Variants in ADAMTS18 observed in about 807,000 individuals in gnomAD.
The protein encoded by ADAMTS18 is ADAM metallopeptidase with thrombospondin type 1 motif 18.
A neutral mutation model predicts 165.9 loss-of-function variants in ADAMTS18; 157 were observed. That is an observed-to-expected ratio of 0.95 (90% CI 0.83 to 1.08). The LOEUF is 1.08. ADAMTS18 is among the 50% of genes least tolerant of loss of function. ADAMTS18 has a pLI of 0.00. For synonymous variants in ADAMTS18, 782 were observed against 578.2 expected (o/e 1.35, Z -5.06); for missense variants, 2,040 against 1,534.0 (o/e 1.33, Z -5.51).
chr16:77,382,869 C>T (rs1011849475), intron 3 of ADAMTS18, among the ~76,000 whole-genome samples: 2 of 152,146 alleles, frequency 1.3e-5, no homozygotes, highest in African/African-American at 2.4e-5. Context: ...AATAACACTC[C>T]TCTTCACACG....
chr16:77,403,049 C>G, intron 3 of ADAMTS18, among the ~76,000 whole-genome samples: 1 of 152,166 alleles, frequency 6.6e-6, no homozygotes, highest in East Asian at 1.9e-4. Context: ...TATTATGTGC[C>G]AAGTACTGTT....
chr16:77,431,626 G>A lies in ADAMTS18; in HGVS notation c.179-15C>T. ...AAAGACGTAATCTGCAATGGGAAAA[G>A]TTCAGCTGTCAGCACCCAGAGCCCA... On this transcript the variant is annotated splice_polypyrimidine_tract_variant and intron_variant, in intron 2 of 22. Transcript: ENST00000282849. 6.2e-7 allele frequency: 1 copy of A among 1,613,038 alleles called. No individual in the cohort carries two copies. Among genetic ancestry groups the A allele is most frequent in the Non-Finnish European group, 8.5e-7 (1 of 1,179,862 alleles).
intron 3 of ADAMTS18, among the ~76,000 whole-genome samples, chr16:77,407,409 A>G (rs953663373): frequency 3.9e-5 from 6 of 152,094 alleles, no homozygotes; most frequent in Non-Finnish European, 8.8e-5. Context: ...TGTAAATTCA[A>G]TGCAGTCCAA....
chr16:77,293,031 G>C (rs371229828), intron 20 of ADAMTS18, 45 bp downstream of exon 20: 1 of 1,611,854 alleles, frequency 6.2e-7, no homozygotes, highest in East Asian at 2.2e-5. Context: ...GTGTTAGCCA[G>C]GATGGTCTCA....
At chr16:77,397,801 C>G (rs1034740452) in intron 3 of ADAMTS18, among the ~76,000 whole-genome samples, 2 of 152,214 alleles carry the variant, frequency 1.3e-5, no homozygotes, top group Non-Finnish European at 2.9e-5. Flanking sequence ...AAACTCAAAG[C>G]AGGCAACACT....
chr16:77,416,855 G>T (rs575812474), intron 3 of ADAMTS18, among the ~76,000 whole-genome samples: 2 of 152,294 alleles, frequency 1.3e-5, no homozygotes, highest in African/African-American at 2.4e-5. Context: ...GAATCCAGGT[G>T]AGAGATGAGA....
intron 3 of ADAMTS18, among the ~76,000 whole-genome samples, chr16:77,426,982 C>A (rs1045146346): frequency 1.9e-4 from 29 of 152,132 alleles, no homozygotes; most frequent in Admixed American, 4.6e-4. Context: ...CCACTGTACT[C>A]AAGCCCAGAT....
intron 3 of ADAMTS18, among the ~76,000 whole-genome samples, chr16:77,419,277 G>T (rs1038735149): frequency 1.3e-5 from 2 of 152,266 alleles, no homozygotes; most frequent in South Asian, 2.1e-4. Context: ...GAGGCTCCAA[G>T]AAAGATTCCA....
At chr16:77,349,369 T>C (rs547088504) in intron 10 of ADAMTS18, among the ~76,000 whole-genome samples, 2 of 152,170 alleles carry the variant, frequency 1.3e-5, no homozygotes, top group South Asian at 2.1e-4. Context: ...GCAATGGAAA[T>C]TGATAGCTTA....
chr16:77,344,745 A>G (rs1330793370), intron 10 of ADAMTS18, among the ~76,000 whole-genome samples: 2 of 44,776 alleles, frequency 4.5e-5, no homozygotes, highest in Non-Finnish European at 9.5e-5. Context: ...AAGCAAAACA[A>G]AAAAAAAAAC....
chr16:77,283,922 C>T lies in ADAMTS18; in HGVS notation c.*34G>A. The T allele has an allele frequency of 6.5e-7, 1 of 1,538,564 alleles. No homozygotes were observed. ...TCTCTCTAGAGGTTGAAAGGTAAGC[C>T]CCTGGCCCTAAGGTGCTGGGGAGGA... On this transcript the variant is annotated 3_prime_UTR_variant, in exon 23 of 23. Coordinates refer to ENST00000282849, the MANE Select transcript of ADAMTS18 (RefSeq NM_199355.4).
chr16:77,394,549 G>C (rs2057232156), intron 3 of ADAMTS18, among the ~76,000 whole-genome samples: 1 of 152,080 alleles, frequency 6.6e-6, no homozygotes. Context: ...AAAAGGAAGT[G>C]ATCAGTATTT....
At chr16:77,349,223 G>T (rs2056520046) in intron 10 of ADAMTS18, among the ~76,000 whole-genome samples, 1 of 152,024 alleles carries the variant, frequency 6.6e-6, no homozygotes, top group South Asian at 2.1e-4. Flanking sequence ...GAAAAGTCAA[G>T]CTGGGAACTC....
chr16:77,283,010 T>C lies in ADAMTS18; in HGVS notation c.*946A>G, dbSNP rs1408884671. On this transcript the variant is annotated 3_prime_UTR_variant, in exon 23 of 23. Transcript: ENST00000282849. ...AGTGGCCTTTAATTTTCCAAGCAGC[T>C]CTGGTAGTATGTACAGAGCATTATA... 1 of 149,282 alleles carries C rather than the reference T, an allele frequency of 6.7e-6. No individual in the cohort carries two copies. The highest frequency in any genetic ancestry group is 1.5e-5 in the Non-Finnish European group (1 of 67,446). The allele number at this position is 149,282 out of a possible 1,614,324, so 9.2% of individuals were successfully genotyped here. A position where few individuals can be genotyped will look rare whatever the true frequency, so the allele number is the denominator to read the frequency against.
chr16:77,434,076 G>C (rs904599747), intron 2 of ADAMTS18, among the ~76,000 whole-genome samples: 5 of 152,114 alleles, frequency 3.3e-5, no homozygotes, highest in Non-Finnish European at 7.3e-5. Flanking sequence ...CCCAACAAGA[G>C]TTAGGAGAGG....
rs75242260 is a variant in ADAMTS18 at position 77,352,542 on chromosome 16, A to C, written c.1614+1191T>G. ...AAGGGTTTTTGTGAAGATTGAGGTA[A>C]AGTAAAATAAATCTTTAAGTAGAAT... On this transcript the variant is annotated intron_variant, in intron 10 of 22. Transcript: ENST00000282849. Among the ~76,000 whole-genome samples, 26 of 152,252 alleles carry C rather than the reference A, an allele frequency of 1.7e-4. No homozygotes were observed. In the East Asian group the frequency reaches 4.7e-3, roughly 27 times the overall value.
chr16:77,306,105 T>A (rs2055677348), intron 16 of ADAMTS18, among the ~76,000 whole-genome samples: 1 of 152,156 alleles, frequency 6.6e-6, no homozygotes, highest in Non-Finnish European at 1.5e-5. Context: ...ATGCACAAAT[T>A]TGGAAAGACC....
At chr16:77,399,137 G>C (rs1435676264) in intron 3 of ADAMTS18, among the ~76,000 whole-genome samples, 1 of 152,152 alleles carries the variant, frequency 6.6e-6, no homozygotes, top group Non-Finnish European at 1.5e-5. Context: ...CACCAGGTGT[G>C]GGGGATGCCA....
At chr16:77,409,152 G>C (rs554454327) in intron 3 of ADAMTS18, among the ~76,000 whole-genome samples, 63 of 152,146 alleles carry the variant, frequency 4.1e-4, no homozygotes, top group African/African-American at 1.5e-3. Context: ...TATCCTCTGA[G>C]GATAATGGGA....
Sources: allele counts gnomAD v4.1 joint callset (sites outside exome capture counted in the v4.1 genomes callset), GRCh38; gene constraint gnomAD v4.1.1; transcripts MANE v1.5; gene names NCBI Gene and HGNC (gene_info 2026-07-23, HGNC 2026-07-21).